AGBL4: variants seen among roughly 807,000 people sequenced by gnomAD.
The protein encoded by AGBL4 is AGBL carboxypeptidase 4, also known as cytosolic carboxypeptidase 6.
A neutral mutation model predicts 66.4 loss-of-function variants in AGBL4; 58 were observed. The ratio of observed to expected loss-of-function variants is 0.87; its 90% CI spans 0.71 to 1.09. The LOEUF (loss-of-function observed/expected upper bound fraction) is 1.09. Among genes scored for constraint, AGBL4 ranks in the 50% least tolerant of loss-of-function variants. The pLI, the probability that AGBL4 is intolerant of heterozygous loss-of-function variation, is 0.00. For synonymous variants in AGBL4, 234 were observed against 222.9 expected (o/e 1.05, Z -0.44); for missense variants, 579 against 631.0 (o/e 0.92, Z 0.88).
intron 4 of AGBL4, among the ~76,000 whole-genome samples, chr1:49,154,653 C>A (rs949788309): frequency 1.3e-5 from 2 of 152,154 alleles, no homozygotes; most frequent in East Asian, 1.9e-4. Flanking sequence ...ATTATTGTCT[C>A]CCATGGTGCT....
chr1:49,036,413 T>C (rs994537121), intron 5 of AGBL4, among the ~76,000 whole-genome samples: 1 of 152,038 alleles, frequency 6.6e-6, no homozygotes, highest in Non-Finnish European at 1.5e-5. Context: ...ACCTAGATCA[T>C]GTCCAAAGAA....
chr1:48,762,564 T>TGGATGTA (rs1301460101), intron 6 of AGBL4, among the ~76,000 whole-genome samples: 1 of 151,864 alleles, frequency 6.6e-6, no homozygotes, highest in Non-Finnish European at 1.5e-5. Flanking sequence ...TGCCCAATGT[T>TGGATGTA]GGATGTAGCA....
chr1:49,746,831 C>T (rs1442731666), intron 2 of AGBL4, among the ~76,000 whole-genome samples: 1 of 151,988 alleles, frequency 6.6e-6, no homozygotes, highest in Non-Finnish European at 1.5e-5. Flanking sequence ...CTAGCTCCAA[C>T]AATTAATTGT....
Position 49,678,912 on chromosome 1 carries a change from A to AT in AGBL4, c.282+18400dup, listed in dbSNP as rs750114076. On this transcript the variant is annotated intron_variant, in intron 3 of 13. Transcript: ENST00000371839. ...ATGGTATATCCTCTATATATGGGAT[A>AT]TATAGATTGAAATTTCCCAAAATTT... Among the ~76,000 whole-genome samples, 5 of 152,118 alleles carry AT rather than the reference A, an allele frequency of 3.3e-5. No individual in the cohort carries two copies. In the East Asian group the frequency reaches 7.7e-4, roughly 23 times the overall value.
At chr1:49,997,120 C>T (rs1660426472) in intron 1 of AGBL4, among the ~76,000 whole-genome samples, 1 of 152,100 alleles carries the variant, frequency 6.6e-6, no homozygotes, top group Non-Finnish European at 1.5e-5. Context: ...ATAAATCTCA[C>T]AGGACCTATA....
chr1:49,491,098 T>C (rs1171327758), intron 3 of AGBL4, among the ~76,000 whole-genome samples: 1 of 151,824 alleles, frequency 6.6e-6, no homozygotes, highest in Non-Finnish European at 1.5e-5. Context: ...GATAGTTGAA[T>C]GAATGACCTA....
intron 7 of AGBL4, among the ~76,000 whole-genome samples, chr1:48,656,860 A>G (rs752250274): frequency 9.2e-5 from 14 of 152,200 alleles, no homozygotes; most frequent in Non-Finnish European, 1.8e-4. Context: ...AAAGCTACCT[A>G]TCGGGTACTA....
At chr1:48,742,519 G>T (rs1650073438) in intron 6 of AGBL4, 2 of 1,223,962 alleles carry the variant, frequency 1.6e-6, no homozygotes, top group African/African-American at 1.6e-5. Context: ...AGGCCAGGAG[G>T]CCAACCAGTC....
At chr1:48,673,640 C>A (rs546601583) in intron 6 of AGBL4, among the ~76,000 whole-genome samples, 1 of 152,134 alleles carries the variant, frequency 6.6e-6, no homozygotes, top group Non-Finnish European at 1.5e-5. Context: ...CTGAATTGTT[C>A]TGGGCTGAGA....
intron 4 of AGBL4, among the ~76,000 whole-genome samples, chr1:49,217,531 G>T (rs1649182194): frequency 6.6e-6 from 1 of 152,006 alleles, no homozygotes; most frequent in South Asian, 2.1e-4. Context: ...CACTTGATCT[G>T]TCCTTCTTAT....
At chr1:48,827,530 G>A (rs190802095) in intron 6 of AGBL4, among the ~76,000 whole-genome samples, 99 of 152,254 alleles carry the variant, frequency 6.5e-4, no homozygotes, top group African/African-American at 2.3e-3. Context: ...CACTGCTATC[G>A]TTTTCTTGGC....
intron 3 of AGBL4, among the ~76,000 whole-genome samples, chr1:49,657,392 C>T (rs1335638134): frequency 2.0e-4 from 31 of 152,084 alleles, no homozygotes; most frequent in East Asian, 3.9e-4. Flanking sequence ...TCCATGCTCA[C>T]GGATAGGAAG....
chr1:49,974,180 T>C (rs1332337696), intron 1 of AGBL4, among the ~76,000 whole-genome samples: 2 of 151,948 alleles, frequency 1.3e-5, no homozygotes, highest in Non-Finnish European at 2.9e-5. Flanking sequence ...TAGTGCCCCA[T>C]AGTACCAGAA....
intron 3 of AGBL4, among the ~76,000 whole-genome samples, chr1:49,520,665 G>A (rs974451578): frequency 1.3e-5 from 2 of 151,884 alleles, no homozygotes; most frequent in Admixed American, 6.6e-5. Flanking sequence ...CTGCTGACCT[G>A]GCTGCCTGAT....
chr1:48,643,367 G>A (rs139760132), intron 8 of AGBL4, among the ~76,000 whole-genome samples: 1 of 152,244 alleles, frequency 6.6e-6, no homozygotes, highest in East Asian at 1.9e-4. Flanking sequence ...TTTGTGTGGT[G>A]CACAGACTGT....
intron 3 of AGBL4, among the ~76,000 whole-genome samples, chr1:49,661,747 T>C (rs1646273876): frequency 6.6e-6 from 1 of 152,178 alleles, no homozygotes; most frequent in Non-Finnish European, 1.5e-5. Flanking sequence ...TGTAAAATGG[T>C]ACAACTACTT....
intron 5 of AGBL4, among the ~76,000 whole-genome samples, chr1:49,000,872 G>T (rs1661348654): frequency 6.6e-6 from 1 of 152,198 alleles, no homozygotes. Flanking sequence ...GCAATTATGA[G>T]GCTTGGAAGC....
At chr1:48,691,228 T>C (rs1328022478) in intron 6 of AGBL4, among the ~76,000 whole-genome samples, 2 of 149,640 alleles carry the variant, frequency 1.3e-5, no homozygotes, top group Non-Finnish European at 3.0e-5. Context: ...TTTTACCAAA[T>C]GTATCTAAAA....
At chr1:49,350,235 G>C (rs1356322744) in intron 3 of AGBL4, among the ~76,000 whole-genome samples, 1 of 140,344 alleles carries the variant, frequency 7.1e-6, no homozygotes, top group Non-Finnish European at 1.5e-5. Context: ...ACGGAGTCTC[G>C]CTCTGTCGCC....
Sources: allele counts gnomAD v4.1 joint callset (sites outside exome capture counted in the v4.1 genomes callset), GRCh38; gene constraint gnomAD v4.1.1; transcripts MANE v1.5; gene names NCBI Gene and HGNC (gene_info 2026-07-23, HGNC 2026-07-21).